FOXL2NB: variants seen among roughly 807,000 people sequenced by gnomAD.
FOXL2NB encodes FOXL2 neighbor protein.
Under a neutral mutation model 7.4 loss-of-function variants are expected in FOXL2NB, and 10 were observed. That is an observed-to-expected ratio of 1.34 (90% CI 0.83 to 2.28). The LOEUF (loss-of-function observed/expected upper bound fraction) is 2.28, where lower values mean the gene tolerates loss of function less well. Ranked by LOEUF, FOXL2NB falls within the 30% of genes most tolerant of loss-of-function variation. FOXL2NB has a pLI of 0.00. For synonymous variants in FOXL2NB, 104 were observed against 105.3 expected (o/e 0.99, Z 0.08); for missense variants, 228 against 233.9 (o/e 0.97, Z 0.17).
Position 138,947,539 on chromosome 3 carries a change from G to T in FOXL2NB, c.100+75G>T. 1 of 1,493,512 alleles carries T rather than the reference G, an allele frequency of 6.7e-7. No homozygotes were observed. The highest frequency in any genetic ancestry group is 9.0e-7 in the Non-Finnish European group (1 of 1,114,568). 92.5% of individuals were successfully genotyped at this position (1,493,512 alleles called of 1,614,324 possible). ...TGAACTTCTAGCTCGGGGCTGGGGA[G>T]GGGCGAGACGGCGAGGGGGCTGGAC... On this transcript the variant is annotated intron_variant, in intron 1 of 2. Coordinates refer to ENST00000383165, the MANE Select transcript of FOXL2NB (RefSeq NM_001040061.3). This position sits in a 1 kb window ranked among gnomAD's most constrained non-coding sequence, Gnocchi z 5.2.
In FOXL2NB at chr3:138,949,178, C is replaced by T. The variant is rs1207279548; in HGVS notation, c.101-342C>T. Among the ~76,000 whole-genome samples the T allele has an allele frequency of 1.3e-5, 2 of 151,746 alleles. No homozygotes were observed. The highest frequency in any genetic ancestry group is 2.9e-5 in the Non-Finnish European group (2 of 67,922). On this transcript the variant is annotated intron_variant, in intron 1 of 2. Transcript: ENST00000383165. The surrounding 1 kb of genome is among the most constrained non-coding windows in gnomAD (Gnocchi z 4.5). ...GTCTGGCCCCATCCTGGTGGGGGCTCCTCTCTCCTTTTCTCTCCTTTTTTT... is the reference window on the plus strand; with the variant it reads ...GTCTGGCCCCATCCTGGTGGGGGCTTCTCTCTCCTTTTCTCTCCTTTTTTT...
rs1936123629 is a variant in FOXL2NB, at chr3:138,951,118, G to T, written c.*546G>T. On this transcript the variant is annotated 3_prime_UTR_variant, in exon 3 of 3. Coordinates refer to ENST00000383165, the MANE Select transcript of FOXL2NB (RefSeq NM_001040061.3). Reference sequence around the variant, plus strand: ...TCTGTCTCGAAACTCTGCTGAGTTTGCTGCTCAGACCAACAAGGTGCAGCA... The same window carrying T: ...TCTGTCTCGAAACTCTGCTGAGTTTTCTGCTCAGACCAACAAGGTGCAGCA... 6.4e-6 allele frequency: 1 copy of T among 156,708 alleles called. No homozygotes were observed. Among genetic ancestry groups the T allele is most frequent in the South Asian group, 2.0e-4 (1 of 5,108 alleles). The allele number at this position is 156,708 out of a possible 1,614,324, so 9.7% of individuals were successfully genotyped here.
chr3:138,949,917 G>A lies in FOXL2NB; in HGVS notation c.220+278G>A. 1 of 690,744 alleles carries A rather than the reference G, an allele frequency of 1.4e-6. No individual in the cohort carries two copies. The highest frequency in any genetic ancestry group is 1.5e-5 in the South Asian group (1 of 66,692). 42.8% of individuals were successfully genotyped at this position (690,744 alleles called of 1,614,324 possible). On this transcript the variant is annotated intron_variant, in intron 2 of 2. Transcript: ENST00000383165. The surrounding 1 kb of genome is among the most constrained non-coding windows in gnomAD (Gnocchi z 4.5). Reference sequence around the variant, plus strand: ...CATACTGTGCCTAGGTTTTGTGGACGCCAGGGCCGGTTCCTTTTCTCCCCG... The same window carrying A: ...CATACTGTGCCTAGGTTTTGTGGACACCAGGGCCGGTTCCTTTTCTCCCCG...
At position 138,949,896 on chromosome 3, in the gene FOXL2NB, C is replaced by T. The variant is rs1223924160; in HGVS notation, c.220+257C>T. On this transcript the variant is annotated intron_variant, in intron 2 of 2. Transcript: ENST00000383165. This position sits in a 1 kb window ranked among gnomAD's most constrained non-coding sequence, Gnocchi z 4.5. ...CGGGATCCTCTCTGAACAGGGCATACTGTGCCTAGGTTTTGTGGACGCCAG... is the reference window on the plus strand; with the variant it reads ...CGGGATCCTCTCTGAACAGGGCATATTGTGCCTAGGTTTTGTGGACGCCAG... 5.8e-6 allele frequency: 4 copies of T among 694,398 alleles called. No homozygotes were observed. Among genetic ancestry groups the T allele is most frequent in the African/African-American group, 3.5e-5 (2 of 57,126 alleles). The allele number at this position is 694,398 out of a possible 1,614,324, so 43.0% of individuals were successfully genotyped here. A position where few individuals can be genotyped will look rare whatever the true frequency, so the allele number is the denominator to read the frequency against.
In FOXL2NB at chr3:138,949,963, GC is replaced by G; in HGVS notation, c.221-297del. The G allele has an allele frequency of 2.9e-6, 2 of 694,992 alleles. No individual in the cohort carries two copies. The highest frequency in any genetic ancestry group is 2.6e-6 in the Non-Finnish European group (1 of 381,592). 43.1% of individuals were successfully genotyped at this position (694,992 alleles called of 1,614,324 possible). On this transcript the variant is annotated intron_variant, in intron 2 of 2. Coordinates refer to ENST00000383165, the MANE Select transcript of FOXL2NB (RefSeq NM_001040061.3). This position sits in a 1 kb window ranked among gnomAD's most constrained non-coding sequence, Gnocchi z 4.5. ...CCCCGCGGCATTGGGGCGACGCAGGGCCCCCGGCTTAGTGACCTTGGGGCGG... is the reference window on the plus strand; with the variant it reads ...CCCCGCGGCATTGGGGCGACGCAGGGCCCCGGCTTAGTGACCTTGGGGCGG...
At chr3:138,948,156 T>TCC in intron 1 of FOXL2NB, 1 of 235,290 alleles carries the variant, frequency 4.3e-6, no homozygotes, top group African/African-American at 2.3e-5. Flanking sequence ...CTTCTTTCCT[T>TCC]CCCCCCTTTC....
chr3:138,950,188 T>C (rs770401889), intron 2 of FOXL2NB, 77 bp from the exon 3 acceptor site: 9 of 1,508,008 alleles, frequency 6.0e-6, no homozygotes, highest in Non-Finnish European at 6.4e-6. Flanking sequence ...CCTCGCAGCC[T>C]GGCCCCGCGC....
In FOXL2NB at chr3:138,949,947, A is replaced by G; in HGVS notation, c.220+308A>G. On this transcript the variant is annotated intron_variant, in intron 2 of 2. Transcript: ENST00000383165. This position sits in a 1 kb window ranked among gnomAD's most constrained non-coding sequence, Gnocchi z 4.5. Reference sequence around the variant, plus strand: ...GGCCGGTTCCTTTTCTCCCCGCGGCATTGGGGCGACGCAGGGCCCCCGGCT... The same window carrying G: ...GGCCGGTTCCTTTTCTCCCCGCGGCGTTGGGGCGACGCAGGGCCCCCGGCT... The G allele has an allele frequency of 1.4e-6, 1 of 692,346 alleles. No individual in the cohort carries two copies. Among genetic ancestry groups the G allele is most frequent in the Non-Finnish European group, 2.6e-6 (1 of 380,194 alleles). The allele number at this position is 692,346 out of a possible 1,614,324, so 42.9% of individuals were successfully genotyped here. A position where few individuals can be genotyped will look rare whatever the true frequency, so the allele number is the denominator to read the frequency against.
Position 138,947,274 on chromosome 3 carries a change from C to G in FOXL2NB, c.-91C>G. On this transcript the variant is annotated 5_prime_UTR_variant, in exon 1 of 3. Coordinates refer to ENST00000383165, the MANE Select transcript of FOXL2NB (RefSeq NM_001040061.3). The surrounding 1 kb of genome is among the most constrained non-coding windows in gnomAD (Gnocchi z 5.2). ...CCCGCACAGCCTGGACCGGCCTGCC[C>G]CCGCCCAGCGAGCCTCAGGGGCCCA... The G allele has an allele frequency of 9.6e-7, 1 of 1,043,778 alleles. No individual in the cohort carries two copies. 64.7% of individuals were successfully genotyped at this position (1,043,778 alleles called of 1,614,324 possible).
In FOXL2NB at chr3:138,947,335, C is replaced by A; in HGVS notation, c.-30C>A. 6.6e-7 allele frequency: 1 copy of A among 1,522,828 alleles called. No individual in the cohort carries two copies. Among genetic ancestry groups the A allele is most frequent in the Non-Finnish European group, 8.9e-7 (1 of 1,126,132 alleles). The allele number at this position is 1,522,828 out of a possible 1,614,324, so 94.3% of individuals were successfully genotyped here. A position where few individuals can be genotyped will look rare whatever the true frequency, so the allele number is the denominator to read the frequency against. On this transcript the variant is annotated 5_prime_UTR_variant, in exon 1 of 3. Coordinates refer to ENST00000383165, the MANE Select transcript of FOXL2NB (RefSeq NM_001040061.3). The surrounding 1 kb of genome is among the most constrained non-coding windows in gnomAD (Gnocchi z 5.2). ...AGGCTCACGCGCCCTTGAAATCTGC[C>A]GGTACTCGCTCTGCGGGCTGGGCTG...
In FOXL2NB at chr3:138,947,802, G is replaced by C. The variant is rs1263757505; in HGVS notation, c.100+338G>C. The stretch of plus-strand genomic sequence containing the variant: ...CCAGGAATCCGTGTACTAATCCTAC[G>C]GGGTTGGAGTGAAGGTTGGATGTGT... On this transcript the variant is annotated intron_variant, in intron 1 of 2. Coordinates refer to ENST00000383165, the MANE Select transcript of FOXL2NB (RefSeq NM_001040061.3). This position sits in a 1 kb window ranked among gnomAD's most constrained non-coding sequence, Gnocchi z 5.2. The C allele has an allele frequency of 9.3e-7, 1 of 1,074,086 alleles. No homozygotes were observed. Among genetic ancestry groups the C allele is most frequent in the Non-Finnish European group, 1.1e-6 (1 of 886,690 alleles). The allele number at this position is 1,074,086 out of a possible 1,614,324, so 66.5% of individuals were successfully genotyped here.
Position 138,950,575 on chromosome 3 carries a change from C to T in FOXL2NB, c.*3C>T, listed in dbSNP as rs747636880. ...GGAAGCTTCACTGTGTCTATTAGTA[C>T]ATCCCCATACACTCCACGCCTCAAC... is the stretch of plus-strand genomic sequence containing the variant. On this transcript the variant is annotated 3_prime_UTR_variant, in exon 3 of 3. Coordinates refer to ENST00000383165, the MANE Select transcript of FOXL2NB (RefSeq NM_001040061.3). The T allele has an allele frequency of 8.1e-6, 13 of 1,613,726 alleles. No individual in the cohort carries two copies. The highest frequency in any genetic ancestry group is 2.2e-5 in the East Asian group (1 of 44,880).
chr3:138,949,385 C>CGTGTGT lies in FOXL2NB; in HGVS notation c.101-135_101-134insGTGTGT. 1 of 895,560 alleles carries CGTGTGT rather than the reference C, an allele frequency of 1.1e-6. No homozygotes were observed. The highest frequency in any genetic ancestry group is 1.6e-6 in the Non-Finnish European group (1 of 624,316). The allele number at this position is 895,560 out of a possible 1,614,324, so 55.5% of individuals were successfully genotyped here. The stretch of plus-strand genomic sequence containing the variant: ...CCTTTAAAGAGCCTGTGTGTGTATG[C>CGTGTGT]ATGTGCGTGTGTGTGTGTGTGTGTG... On this transcript the variant is annotated intron_variant, in intron 1 of 2. Transcript: ENST00000383165. This position sits in a 1 kb window ranked among gnomAD's most constrained non-coding sequence, Gnocchi z 4.5.
Position 138,947,676 on chromosome 3 carries a change from T to G in FOXL2NB, c.100+212T>G. The stretch of plus-strand genomic sequence containing the variant: ...CTGTCCCTCGCGCTCTCAGAGTGAC[T>G]GGGCTGGAATGGGGCAGGGGAGAGG... On this transcript the variant is annotated intron_variant, in intron 1 of 2. Transcript: ENST00000383165. The surrounding 1 kb of genome is among the most constrained non-coding windows in gnomAD (Gnocchi z 5.2). 7.5e-7 allele frequency: 1 copy of G among 1,334,278 alleles called. No homozygotes were observed. The highest frequency in any genetic ancestry group is 9.6e-7 in the Non-Finnish European group (1 of 1,046,160). The allele number at this position is 1,334,278 out of a possible 1,614,324, so 82.7% of individuals were successfully genotyped here.
chr3:138,948,638 C>T (rs552747953), intron 1 of FOXL2NB, among the ~76,000 whole-genome samples: 1 of 152,340 alleles, frequency 6.6e-6, no homozygotes, highest in Non-Finnish European at 1.5e-5. Flanking sequence ...CAATGCCTGT[C>T]ACTGCCTCTT....
At position 138,947,227 on chromosome 3, in the gene FOXL2NB, C is replaced by T. The variant is rs888423213; in HGVS notation, c.-138C>T. ...CAGCCGCGCACGGGCGAGTTCATCT[C>T]CAAGTCACTTTTTGTAAACGCCCCG... On this transcript the variant is annotated 5_prime_UTR_variant, in exon 1 of 3. Transcript: ENST00000383165. The surrounding 1 kb of genome is among the most constrained non-coding windows in gnomAD (Gnocchi z 5.2). 13 of 690,528 alleles carry T rather than the reference C, an allele frequency of 1.9e-5. No homozygotes were observed. The South Asian group carries it at 2.2e-4, about 12-fold the overall frequency. 42.8% of individuals were successfully genotyped at this position (690,528 alleles called of 1,614,324 possible). A position where few individuals can be genotyped will look rare whatever the true frequency, so the allele number is the denominator to read the frequency against.
Position 138,949,031 on chromosome 3 carries a change from C to A in FOXL2NB, c.101-489C>A, listed in dbSNP as rs1242188522. Among the ~76,000 whole-genome samples, 1 of 152,184 alleles carries A rather than the reference C, an allele frequency of 6.6e-6. No individual in the cohort carries two copies. Among genetic ancestry groups the A allele is most frequent in the Non-Finnish European group, 1.5e-5 (1 of 68,042 alleles). ...AGGAGTGCAGATGTTTTTCTTCTTCCTTACCCCCATCCTTGCCCAAGCTTT... is the reference window on the plus strand; with the variant it reads ...AGGAGTGCAGATGTTTTTCTTCTTCATTACCCCCATCCTTGCCCAAGCTTT... On this transcript the variant is annotated intron_variant, in intron 1 of 2. Coordinates refer to ENST00000383165, the MANE Select transcript of FOXL2NB (RefSeq NM_001040061.3). The surrounding 1 kb of genome is among the most constrained non-coding windows in gnomAD (Gnocchi z 4.5).
chr3:138,948,344 A>G (rs1936033921), intron 1 of FOXL2NB, among the ~76,000 whole-genome samples: 1 of 152,264 alleles, frequency 6.6e-6, no homozygotes, highest in African/African-American at 2.4e-5. Flanking sequence ...TACCTTAAGC[A>G]GAATTCTGAT....
At position 138,950,550 on chromosome 3, in the gene FOXL2NB, G is replaced by A; in HGVS notation, c.506G>A (p.Gly169Glu). Residue 169 changes from glycine to glutamate, a missense_variant, in exon 3 of 3, where the codon GGG (glycine) becomes GAG (glutamate). By Grantham distance (98) the Gly-to-Glu change is moderately conservative. Transcript: ENST00000383165. ...CCTCTGCGGTGCTTGGCTAGCAAAGGGAAGCTTCACTGTGTCTATTAGTAC... is the reference window on the plus strand; with the variant it reads ...CCTCTGCGGTGCTTGGCTAGCAAAGAGAAGCTTCACTGTGTCTATTAGTAC... ...GWPLRCLASKGKLHCVY is the reference protein window; with the variant it reads ...GWPLRCLASKEKLHCVY 1 of 1,614,128 alleles carries A rather than the reference G, an allele frequency of 6.2e-7. No individual in the cohort carries two copies. The highest frequency in any genetic ancestry group is 8.5e-7 in the Non-Finnish European group (1 of 1,180,014).
Sources: gnomAD v4.1 joint callset for allele counts (sites outside exome capture counted in the v4.1 genomes callset) on GRCh38, gnomAD v4.1.1 for gene constraint, Gnocchi (gnomAD v3.1) non-coding constraint, MANE v1.5 for transcripts, NCBI Gene and HGNC (gene_info 2026-07-23, HGNC 2026-07-21) for gene names.